MDH1B: variants seen among roughly 807,000 people sequenced by gnomAD.
The protein encoded by MDH1B is putative malate dehydrogenase 1B.
A neutral mutation model predicts 61.4 loss-of-function variants in MDH1B; 60 were observed. That is an observed-to-expected ratio of 0.98 (90% CI 0.79 to 1.21). The LOEUF (loss-of-function observed/expected upper bound fraction) is 1.21. MDH1B is among the 50% of genes most tolerant of loss of function. The pLI is 0.00. For missense variants in MDH1B, 587 were observed against 632.1 expected (o/e 0.93, Z 0.76); for synonymous variants, 236 against 218.7 (o/e 1.08, Z -0.70).
At chr2:206,764,901 A>G (rs558264953) in intron 1 of MDH1B, among the ~76,000 whole-genome samples, 15 of 152,248 alleles carry the variant, frequency 9.9e-5, no homozygotes, top group African/African-American at 3.6e-4. Flanking sequence ...TTCCCCAGCC[A>G]GTTCCTTGTG....
chr2:206,755,622 G>C, intron 4 of MDH1B, 117 bp from the exon 5 acceptor site: 1 of 1,263,918 alleles, frequency 7.9e-7, no homozygotes, highest in Non-Finnish European at 1.1e-6. Context: ...ATTTAAATAA[G>C]CACACACATA....
rs1217970553 is a variant in MDH1B at position 206,746,309 on chromosome 2, C to T, written c.1334G>A (p.Arg445Gln). 7.4e-6 allele frequency: 12 copies of T among 1,613,318 alleles called. No individual in the cohort carries two copies. The highest frequency in any genetic ancestry group is 2.7e-5 in the African/African-American group (2 of 74,990). The change falls in exon 8 of 12, where the codon CGA (arginine) becomes CAA (glutamine). Residue 445 changes from arginine to glutamine, a missense_variant. Arg to Gln is a conservative substitution (Grantham distance 43, BLOSUM62 1). Transcript: ENST00000374412. ...DVEISEQIMT[R>Q]MTSDLIQEKL... ...TACCTGAATTAGATCACTTGTCATT[C>T]GGGTCATTATTTGTTCACTTATTTC... is the stretch of plus-strand genomic sequence containing the variant.
intron 5 of MDH1B, among the ~76,000 whole-genome samples, chr2:206,753,355 C>G (rs1425440715): frequency 1.3e-5 from 2 of 152,130 alleles, no homozygotes; most frequent in African/African-American, 4.8e-5. Flanking sequence ...CCTCATGGCT[C>G]ACTTGCAGCC....
In MDH1B at chr2:206,765,205, G is replaced by C. The variant is rs373265287; in HGVS notation, c.22+45C>G. ...GAGCGGCCATGGGAGGTGAGCTGTTGTCGGCGTTTTGAGCAATCTGCGGGC... is the reference window on the plus strand; with the variant it reads ...GAGCGGCCATGGGAGGTGAGCTGTTCTCGGCGTTTTGAGCAATCTGCGGGC... On this transcript the variant is annotated intron_variant, in intron 1 of 11. Coordinates refer to ENST00000374412, the MANE Select transcript of MDH1B (RefSeq NM_001039845.3). The C allele has an allele frequency of 1.1e-5, 18 of 1,596,354 alleles. No homozygotes were observed. In the African/African-American group the frequency reaches 2.2e-4, roughly 19 times the overall value.
At chr2:206,753,610 G>A (rs774659794) in intron 5 of MDH1B, among the ~76,000 whole-genome samples, 3 of 152,212 alleles carry the variant, frequency 2.0e-5, no homozygotes, top group Non-Finnish European at 4.4e-5. Context: ...AATAATCCCT[G>A]AATCATTTCC....
At chr2:206,765,199 G>A (rs982225413) in intron 1 of MDH1B, 51 bp downstream of exon 1, 1 of 1,592,780 alleles carries the variant, frequency 6.3e-7, no homozygotes, top group Non-Finnish European at 8.5e-7. Flanking sequence ...TGGGAGGTGA[G>A]CTGTTGTCGG....
rs190006212 is a variant in MDH1B at position 206,744,908 on chromosome 2, G to A, written c.1408+714C>T. On this transcript the variant is annotated intron_variant, in intron 9 of 11. Coordinates refer to ENST00000374412, the MANE Select transcript of MDH1B (RefSeq NM_001039845.3). ...CCACTGCACTTCAGTCTGGGCAACA[G>A]AGCAAGACTCTGTCTAAATAAATAA... Among the ~76,000 whole-genome samples, 10 of 151,772 alleles carry A rather than the reference G, an allele frequency of 6.6e-5. No individual in the cohort carries two copies. The East Asian group carries it at 1.9e-3, about 29-fold the overall frequency.
chr2:206,760,359 G>A (rs1429407966), intron 2 of MDH1B, among the ~76,000 whole-genome samples: 1 of 152,200 alleles, frequency 6.6e-6, no homozygotes, highest in Non-Finnish European at 1.5e-5. Context: ...CCTTGCCTCA[G>A]TTTGGAATAA....
chr2:206,764,948 G>T (rs922355976), intron 1 of MDH1B, among the ~76,000 whole-genome samples: 1 of 152,176 alleles, frequency 6.6e-6, no homozygotes, highest in African/African-American at 2.4e-5. Flanking sequence ...CAGATTAGGA[G>T]TCTACGCTCC....
At chr2:206,765,160 C>T in intron 1 of MDH1B, 90 bp downstream of exon 1, 1 of 1,474,662 alleles carries the variant, frequency 6.8e-7, no homozygotes, top group South Asian at 1.3e-5. Flanking sequence ...TGGAGCGGTC[C>T]GTATAGAGGC....
Position 206,755,216 on chromosome 2 carries a change from G to T in MDH1B, c.703C>A (p.Leu235Ile), listed in dbSNP as rs141930630. 39 of 1,614,068 alleles carry T rather than the reference G, an allele frequency of 2.4e-5. No individual in the cohort carries two copies. In the African/African-American group the frequency reaches 4.9e-4, roughly 20 times the overall value. ...ATCAGGTACCCATAGAGCCTGCAGA[G>T]AGGCACCCTGCTTCGGAGGCAGTCC... ...LEDCLRSRVP[L>I]CRLYGYLIEK... The change falls in exon 5 of 12, where the codon CTC (leucine) becomes ATC (isoleucine). Residue 235 changes from leucine (L) to isoleucine (I), a missense_variant. Physicochemically the swap from Leu to Ile is conservative, Grantham distance 5 (BLOSUM62 2). Coordinates refer to ENST00000374412, the MANE Select transcript of MDH1B (RefSeq NM_001039845.3).
At chr2:206,752,459 G>A (rs1203403603) in intron 5 of MDH1B, among the ~76,000 whole-genome samples, 7 of 150,310 alleles carry the variant, frequency 4.7e-5, no homozygotes, top group Admixed American at 4.6e-4. Flanking sequence ...GATTCCTGCA[G>A]TAGGAATAGC....
At chr2:206,739,941 C>T (rs188574565) in intron 10 of MDH1B, among the ~76,000 whole-genome samples, 3 of 152,282 alleles carry the variant, frequency 2.0e-5, no homozygotes, top group East Asian at 3.9e-4. Flanking sequence ...CCTTCCCTGG[C>T]CCCCATAAAC....
At chr2:206,761,083 C>T in intron 1 of MDH1B, 70 bp from the exon 2 acceptor site, 1 of 811,492 alleles carries the variant, frequency 1.2e-6, no homozygotes, top group Non-Finnish European at 2.0e-6. Context: ...TAAGTATTTG[C>T]TATGTAATTA....
At chr2:206,760,367 T>C (rs940534088) in intron 2 of MDH1B, among the ~76,000 whole-genome samples, 1 of 152,206 alleles carries the variant, frequency 6.6e-6, no homozygotes, top group Admixed American at 6.5e-5. Flanking sequence ...CAGTTTGGAA[T>C]AATTCTGAAA....
chr2:206,757,128 A>C, intron 3 of MDH1B, 88 bp from the exon 4 acceptor site: 1 of 1,529,990 alleles, frequency 6.5e-7, no homozygotes, highest in South Asian at 1.2e-5. Context: ...TTAAAGTCAA[A>C]AGACAATAAA....
intron 7 of MDH1B, among the ~76,000 whole-genome samples, chr2:206,748,353 T>C (rs1688236544): frequency 6.6e-6 from 1 of 152,240 alleles, no homozygotes; most frequent in East Asian, 1.9e-4. Flanking sequence ...CACCCCAGCC[T>C]GAGCGTCACA....
At chr2:206,754,565 T>TG (rs1224478554) in intron 5 of MDH1B, among the ~76,000 whole-genome samples, 1 of 152,196 alleles carries the variant, frequency 6.6e-6, no homozygotes, top group Non-Finnish European at 1.5e-5. Flanking sequence ...TTCTAGGAGA[T>TG]AGGCACTGTT....
chr2:206,759,031 T>C (rs1473766497), intron 2 of MDH1B, among the ~76,000 whole-genome samples: 2 of 149,370 alleles, frequency 1.3e-5, no homozygotes, highest in Non-Finnish European at 3.0e-5. Flanking sequence ...TTTTGTTACA[T>C]AGGTAAATTT....
Sources: gnomAD v4.1 joint callset for allele counts (sites outside exome capture counted in the v4.1 genomes callset) on GRCh38, gnomAD v4.1.1 for gene constraint, MANE v1.5 for transcripts, NCBI Gene and HGNC (gene_info 2026-07-23, HGNC 2026-07-21) for gene names.